Variants in MECOM observed in about 807,000 individuals in gnomAD.
MECOM encodes histone-lysine N-methyltransferase MECOM.
MECOM carries 13 observed loss-of-function variants against 116.3 expected under a neutral mutation model. That is an observed-to-expected ratio of 0.11 (90% confidence interval 0.07 to 0.18). The LOEUF is 0.18. Among genes scored for constraint, MECOM ranks in the 10% least tolerant of loss-of-function variants. The pLI, the probability that MECOM is intolerant of heterozygous loss-of-function variation, is 1.00. For missense variants in MECOM, 1,299 were observed against 1,509.0 expected (o/e 0.86, Z 2.31); for synonymous variants, 528 against 535.2 (o/e 0.99, Z 0.19).
chr3:169,237,570 G>A (rs375569662), intron 2 of MECOM, among the ~76,000 whole-genome samples: 6 of 139,184 alleles, frequency 4.3e-5, no homozygotes, highest in East Asian at 4.2e-4. Context: ...TCATGAGGGC[G>A]ACACATATTT....
chr3:169,620,278 C>G (rs1324259907), intron 1 of MECOM, among the ~76,000 whole-genome samples: 3 of 152,172 alleles, frequency 2.0e-5, no homozygotes, highest in Admixed American at 1.3e-4. Flanking sequence ...CCATATTAGG[C>G]AAATAACATT....
intron 1 of MECOM, among the ~76,000 whole-genome samples, chr3:169,547,952 T>A (rs1412536835): frequency 6.6e-6 from 1 of 152,112 alleles, no homozygotes; most frequent in Non-Finnish European, 1.5e-5. Context: ...GGGAACAAAC[T>A]CTGCAAACAC....
intron 2 of MECOM, among the ~76,000 whole-genome samples, chr3:169,213,284 T>C (rs1397674507): frequency 6.6e-6 from 1 of 152,014 alleles, no homozygotes. Context: ...AAAATATGCA[T>C]GTAAAAAGTA....
chr3:169,208,881 A>G (rs568091811), intron 2 of MECOM, among the ~76,000 whole-genome samples: 1 of 148,038 alleles, frequency 6.8e-6, no homozygotes, highest in Admixed American at 6.8e-5. Context: ...CTGTATAGCC[A>G]AGACAATCGT....
At chr3:169,396,457 T>G (rs1735039558) in intron 1 of MECOM, among the ~76,000 whole-genome samples, 1 of 152,212 alleles carries the variant, frequency 6.6e-6, no homozygotes, top group East Asian at 1.9e-4. Flanking sequence ...ATACAACAAG[T>G]AAAATATCCT....
chr3:169,291,704 G>A (rs566533177), intron 2 of MECOM, among the ~76,000 whole-genome samples: 1 of 152,288 alleles, frequency 6.6e-6, no homozygotes. Flanking sequence ...AGCCTCAGAT[G>A]TATAGAACAT....
rs1348692958 is a variant in MECOM, at chr3:169,223,377, C to A, written c.376-79545G>T. ...TTCAATTCCCACCTATGAGTGAGAA[C>A]ATGTGGTGTTTGGTTTTCTGTCCTT... On this transcript the variant is annotated intron_variant, in intron 2 of 16. Transcript: ENST00000651503. Among the ~76,000 whole-genome samples the A allele has an allele frequency of 2.1e-5, 3 of 144,558 alleles. No individual in the cohort carries two copies. In the South Asian group the frequency reaches 6.6e-4, roughly 32 times the overall value. The allele number at this position is 144,558 out of a possible 152,430, so 94.8% of individuals were successfully genotyped here.
chr3:169,417,408 A>T (rs1738851513), intron 1 of MECOM, among the ~76,000 whole-genome samples: 1 of 152,190 alleles, frequency 6.6e-6, no homozygotes, highest in African/African-American at 2.4e-5. Flanking sequence ...CCACAATGAG[A>T]TACCATTTCA....
In MECOM at chr3:169,629,120, A is replaced by ATT. The variant is rs11284881; in HGVS notation, c.37+34214_37+34215dup. 2.9e-4 allele frequency among the ~76,000 whole-genome samples: 39 copies of ATT among 135,458 alleles called. No individual in the cohort carries two copies. In the South Asian group the frequency reaches 9.5e-3, roughly 33 times the overall value. 88.9% of individuals were successfully genotyped at this position (135,458 alleles called of 152,430 possible). On this transcript the variant is annotated intron_variant, in intron 1 of 16. Coordinates refer to ENST00000651503, the MANE Select transcript of MECOM (RefSeq NM_004991.4). ...TCTCAGTGTCTTGCTGCTGCTTGAA[A>ATT]TTTTTTTTTTTTTTTTTGAATCTCT...
intron 2 of MECOM, among the ~76,000 whole-genome samples, chr3:169,315,449 T>C (rs1719567645): frequency 6.6e-6 from 1 of 152,210 alleles, no homozygotes; most frequent in South Asian, 2.1e-4. Context: ...CTAGAGATGT[T>C]TGGCCTCCTT....
chr3:169,391,311 A>G (rs1734160427), intron 1 of MECOM, among the ~76,000 whole-genome samples: 1 of 152,166 alleles, frequency 6.6e-6, no homozygotes, highest in Non-Finnish European at 1.5e-5. Flanking sequence ...AGACAGCAAT[A>G]ATTTCTCATC....
intron 1 of MECOM, among the ~76,000 whole-genome samples, chr3:169,475,545 C>G (rs1195409932): frequency 6.6e-6 from 1 of 152,022 alleles, no homozygotes; most frequent in African/African-American, 2.4e-5. Context: ...GGTAATGTTT[C>G]CTTAGCACAT....
chr3:169,526,650 A>AT (rs917676287), intron 1 of MECOM, among the ~76,000 whole-genome samples: 2 of 152,030 alleles, frequency 1.3e-5, no homozygotes, highest in African/African-American at 2.4e-5. Context: ...AATTTGTTTT[A>AT]TTTTTTTGTA....
At chr3:169,402,112 A>C (rs976694411) in intron 1 of MECOM, among the ~76,000 whole-genome samples, 3 of 152,160 alleles carry the variant, frequency 2.0e-5, no homozygotes, top group Admixed American at 1.3e-4. Flanking sequence ...TAACAGGGAG[A>C]GATTTAGGAA....
chr3:169,476,618 G>T (rs1234570261), intron 1 of MECOM, among the ~76,000 whole-genome samples: 1 of 152,076 alleles, frequency 6.6e-6, no homozygotes, highest in Non-Finnish European at 1.5e-5. Flanking sequence ...TAGAGGTGTC[G>T]TTAGTCACCT....
At chr3:169,565,240 T>TGATA (rs1763092710) in intron 1 of MECOM, among the ~76,000 whole-genome samples, 1 of 152,142 alleles carries the variant, frequency 6.6e-6, no homozygotes, top group African/African-American at 2.4e-5. Flanking sequence ...GGGAGGCATT[T>TGATA]GATAAATGTT....
chr3:169,429,020 G>C (rs1455242211), intron 1 of MECOM, among the ~76,000 whole-genome samples: 1 of 152,194 alleles, frequency 6.6e-6, no homozygotes, highest in East Asian at 1.9e-4. Flanking sequence ...TATAACCAAA[G>C]AGCCACAGGA....
At chr3:169,228,610 A>G (rs1345625192) in intron 2 of MECOM, among the ~76,000 whole-genome samples, 2 of 152,234 alleles carry the variant, frequency 1.3e-5, no homozygotes, top group Non-Finnish European at 2.9e-5. Context: ...TGATTATAAC[A>G]TCACATTAAT....
chr3:169,246,126 A>G (rs1181068334), intron 2 of MECOM, among the ~76,000 whole-genome samples: 2 of 152,230 alleles, frequency 1.3e-5, no homozygotes, highest in African/African-American at 4.8e-5. Context: ...GCCTAATTAG[A>G]AAACAAAAAT....
Sources: gnomAD v4.1 joint callset for allele counts (sites outside exome capture counted in the v4.1 genomes callset) on GRCh38, gnomAD v4.1.1 for gene constraint, MANE v1.5 for transcripts, NCBI Gene and HGNC (gene_info 2026-07-23, HGNC 2026-07-21) for gene names.